The following EPS15 variants were observed in gnomAD, a reference collection of about 807,000 sequenced individuals.
EPS15 encodes epidermal growth factor receptor substrate 15.
In EPS15, 72 loss-of-function variants were observed where a neutral mutation model predicts 113.8. The ratio of observed to expected loss-of-function variants is 0.63; its 90% CI spans 0.52 to 0.77. The LOEUF is 0.77. Ranked by LOEUF, EPS15 falls within the 30% of genes least tolerant of loss-of-function variation. EPS15 has a pLI of 0.00. For synonymous variants in EPS15, 344 were observed against 363.4 expected (o/e 0.95, Z 0.61); for missense variants, 1,048 against 1,045.8 (o/e 1.00, Z -0.03).
At chr1:51,483,398 AGTGTGTGTGTGTGT>A (rs58892404) in intron 1 of EPS15, among the ~76,000 whole-genome samples, 45 of 141,686 alleles carry the variant, frequency 3.2e-4, no homozygotes, top group Admixed American at 1.6e-3. Flanking sequence ...CAAGACTGCA[AGTGTGTGTGTGTGT>A]GTGTGTGTGT....
At chr1:51,408,683 G>C (rs1023947131) in intron 14 of EPS15, among the ~76,000 whole-genome samples, 1 of 152,006 alleles carries the variant, frequency 6.6e-6, no homozygotes, top group Admixed American at 6.6e-5. Context: ...GCAATGGCAC[G>C]ATCACAGCTC....
At chr1:51,364,575 G>A (rs1646465205) in intron 22 of EPS15, among the ~76,000 whole-genome samples, 1 of 151,778 alleles carries the variant, frequency 6.6e-6, no homozygotes, top group African/African-American at 2.4e-5. Flanking sequence ...GCTCACTGCA[G>A]CCTTGAACCC....
At chr1:51,489,959 C>A (rs1315738574) in intron 1 of EPS15, among the ~76,000 whole-genome samples, 2 of 152,182 alleles carry the variant, frequency 1.3e-5, no homozygotes, top group African/African-American at 4.8e-5. Flanking sequence ...AACAAATAAA[C>A]CCTTCTTATT....
At chr1:51,473,836 C>G (rs938006967) in intron 2 of EPS15, among the ~76,000 whole-genome samples, 1 of 152,094 alleles carries the variant, frequency 6.6e-6, no homozygotes, top group African/African-American at 2.4e-5. Flanking sequence ...AAGGGAAAAC[C>G]TTTCTTTCAA....
At chr1:51,356,925 A>C (rs1335323923) in intron 24 of EPS15, 79 bp from the exon 25 acceptor site, 1 of 1,272,136 alleles carries the variant, frequency 7.9e-7, no homozygotes, top group Non-Finnish European at 1.1e-6. Flanking sequence ...TAGTTTTTAC[A>C]AAAGGACACC....
chr1:51,388,100 C>G (rs1315222411), intron 21 of EPS15, among the ~76,000 whole-genome samples: 1 of 152,146 alleles, frequency 6.6e-6, no homozygotes, highest in East Asian at 1.9e-4. Flanking sequence ...TGTAAAAGAA[C>G]AGAAATTATA....
chr1:51,362,259 C>T (rs911239442), intron 23 of EPS15, among the ~76,000 whole-genome samples: 1 of 152,138 alleles, frequency 6.6e-6, no homozygotes, highest in Admixed American at 6.6e-5. Context: ...ATTAGAATTA[C>T]TGCCAACATT....
At chr1:51,410,489 T>C (rs1353012000) in intron 13 of EPS15, among the ~76,000 whole-genome samples, 1 of 152,086 alleles carries the variant, frequency 6.6e-6, no homozygotes, top group Non-Finnish European at 1.5e-5. Context: ...GATCTCAGTG[T>C]AGGAAAAGAT....
intron 12 of EPS15, among the ~76,000 whole-genome samples, chr1:51,426,817 G>GTCTCTCTCTCTCTCTCTCTCTC (rs35528783): frequency 6.9e-6 from 1 of 145,650 alleles, no homozygotes; most frequent in African/African-American, 2.6e-5. Context: ...AAATAAATCT[G>GTCTCTCTCTCTCTCTCTCTCTC]TCTCTCTCTC....
chr1:51,492,998 C>A (rs917662269), intron 1 of EPS15, among the ~76,000 whole-genome samples: 1 of 151,884 alleles, frequency 6.6e-6, no homozygotes, highest in Admixed American at 6.6e-5. Flanking sequence ...GAGGCCAAGG[C>A]GGGCGGATCA....
chr1:51,387,790 C>A (rs1165186779), intron 21 of EPS15, among the ~76,000 whole-genome samples: 1 of 152,138 alleles, frequency 6.6e-6, no homozygotes, highest in East Asian at 1.9e-4. Context: ...TATATATGCA[C>A]CCAATACAGG....
At chr1:51,443,511 C>T (rs1652762167) in intron 11 of EPS15, among the ~76,000 whole-genome samples, 2 of 151,888 alleles carry the variant, frequency 1.3e-5, no homozygotes, top group African/African-American at 2.4e-5. Context: ...AAGGCCCCCC[C>T]CATAACTCAC....
intron 12 of EPS15, among the ~76,000 whole-genome samples, chr1:51,426,863 A>G (rs1237466478): frequency 2.2e-5 from 3 of 139,010 alleles, no homozygotes; most frequent in Non-Finnish European, 4.4e-5. Flanking sequence ...ACACACACAC[A>G]TATATATATA....
rs762168186 is a variant in EPS15, at chr1:51,406,066, TATG to T, written c.1513_1515del (p.His505del). The T allele has an allele frequency of 4.3e-6, 7 of 1,614,034 alleles. No individual in the cohort carries two copies. In the East Asian group the frequency reaches 1.6e-4, roughly 36 times the overall value. ...CTACTGCACCAATTTAACTGACTATTATGATTTTCCAAATCTTTCATTTCCATC... is the reference window on the plus strand; with the variant it reads ...CTACTGCACCAATTTAACTGACTATTATTTTCCAAATCTTTCATTTCCATC... On this transcript the variant is annotated inframe_deletion, in exon 16 of 25. Transcript: ENST00000371733.
intron 16 of EPS15, among the ~76,000 whole-genome samples, chr1:51,403,890 T>G (rs932434126): frequency 6.6e-6 from 1 of 152,224 alleles, no homozygotes; most frequent in African/African-American, 2.4e-5. Flanking sequence ...TCCTTCCAAC[T>G]GCTTTCCTGC....
At chr1:51,511,999 T>C (rs774459895) in intron 1 of EPS15, among the ~76,000 whole-genome samples, 5 of 152,236 alleles carry the variant, frequency 3.3e-5, no homozygotes, top group Non-Finnish European at 7.3e-5. Flanking sequence ...GCCCAACTTT[T>C]ATTTTTTAAT....
chr1:51,516,396 T>G (rs1222989071), intron 1 of EPS15, among the ~76,000 whole-genome samples: 1 of 152,344 alleles, frequency 6.6e-6, no homozygotes, highest in East Asian at 1.9e-4. Context: ...AGCAAATGTT[T>G]GTTGAGTCTC....
At chr1:51,387,677 C>G (rs1647124182) in intron 21 of EPS15, among the ~76,000 whole-genome samples, 2 of 152,176 alleles carry the variant, frequency 1.3e-5, no homozygotes, top group African/African-American at 4.8e-5. Flanking sequence ...ATCTTAGTCT[C>G]TGATAAAACA....
At chr1:51,405,388 A>G (rs1649000159) in intron 16 of EPS15, among the ~76,000 whole-genome samples, 1 of 152,194 alleles carries the variant, frequency 6.6e-6, no homozygotes, top group Admixed American at 6.5e-5. Context: ...CATTTTAAAA[A>G]CAGGCTCTAC....
Sources: gnomAD v4.1 joint callset for allele counts (sites outside exome capture counted in the v4.1 genomes callset) on GRCh38, gnomAD v4.1.1 for gene constraint, MANE v1.5 for transcripts, NCBI Gene and HGNC (gene_info 2026-07-23, HGNC 2026-07-21) for gene names.